Variants in USP31 observed in about 807,000 individuals in gnomAD.
USP31 encodes ubiquitin specific peptidase 31.
In USP31, 44 loss-of-function variants were observed where a neutral mutation model predicts 119.4. The observed-to-expected ratio is 0.37, with a 90% CI of 0.29 to 0.47. The LOEUF is 0.47. Ranked by LOEUF, USP31 falls within the 20% of genes least tolerant of loss-of-function variation. The pLI, the probability that USP31 is intolerant of heterozygous loss-of-function variation, is 0.99. For synonymous variants in USP31, 749 were observed against 705.6 expected, an observed-to-expected ratio of 1.06 and a Z score of -0.97; for missense variants, 1,643 against 1,730.2, an observed-to-expected ratio of 0.95 and a Z score of 0.89.
At chr16:23,100,714 C>T (rs1901813165) in intron 6 of USP31, among the ~76,000 whole-genome samples, 1 of 152,128 alleles carries the variant, frequency 6.6e-6, no homozygotes, top group African/African-American at 2.4e-5. Context: ...GCACTCCAGC[C>T]TGAGCGACAG....
chr16:23,078,759 A>T (rs1388891699), intron 13 of USP31, among the ~76,000 whole-genome samples: 6 of 152,236 alleles, frequency 3.9e-5, no homozygotes, highest in Admixed American at 3.9e-4. Context: ...TCACTTGAAC[A>T]ACAACAACAA....
At chr16:23,099,408 T>C (rs1158328535) in intron 6 of USP31, among the ~76,000 whole-genome samples, 2 of 152,228 alleles carry the variant, frequency 1.3e-5, no homozygotes, top group Non-Finnish European at 2.9e-5. Flanking sequence ...GAAGACAGTG[T>C]TGCAATTCCT....
At chr16:23,086,069 T>A (rs1179251766) in intron 9 of USP31, among the ~76,000 whole-genome samples, 1 of 152,136 alleles carries the variant, frequency 6.6e-6, no homozygotes, top group Non-Finnish European at 1.5e-5. Context: ...TCCACCAACA[T>A]GCCATGCCTG....
At chr16:23,069,921 T>C (rs1321172635) in intron 15 of USP31, among the ~76,000 whole-genome samples, 1 of 152,206 alleles carries the variant, frequency 6.6e-6, no homozygotes, top group Non-Finnish European at 1.5e-5. Flanking sequence ...ACAGCAGATG[T>C]TAGGCTTTGC....
chr16:23,134,891 TACACACACAC>T (rs10580256), intron 1 of USP31, among the ~76,000 whole-genome samples: 1 of 149,734 alleles, frequency 6.7e-6, no homozygotes, highest in Non-Finnish European at 1.5e-5. Context: ...TGTTACCTTA[TACACACACAC>T]ACACACACAC....
intron 6 of USP31, among the ~76,000 whole-genome samples, chr16:23,099,496 G>A (rs552691469): frequency 4.9e-4 from 74 of 152,190 alleles, no homozygotes; most frequent in Non-Finnish European, 9.9e-4. Flanking sequence ...TATATATCAT[G>A]CTACTAAAAA....
intron 6 of USP31, among the ~76,000 whole-genome samples, chr16:23,099,346 T>C (rs575512564): frequency 8.5e-5 from 13 of 152,202 alleles, no homozygotes; most frequent in African/African-American, 2.6e-4. Context: ...TGTGGAGAAA[T>C]AGGAATGCTT....
At chr16:23,145,122 C>A (rs1301708663) in intron 1 of USP31, among the ~76,000 whole-genome samples, 2 of 152,196 alleles carry the variant, frequency 1.3e-5, no homozygotes, top group Non-Finnish European at 2.9e-5. Context: ...TCCACCACTT[C>A]CTTGCCCTGC....
intron 13 of USP31, among the ~76,000 whole-genome samples, chr16:23,074,992 A>G (rs893305955): frequency 1.3e-5 from 2 of 152,314 alleles, no homozygotes; most frequent in South Asian, 4.1e-4. Flanking sequence ...AGGTCCTGAG[A>G]GGCACCAGGA....
intron 11 of USP31, among the ~76,000 whole-genome samples, chr16:23,083,866 TAATG>T: frequency 6.6e-6 from 1 of 152,280 alleles, no homozygotes; most frequent in Non-Finnish European, 1.5e-5. Context: ...TTCTGAGTCA[TAATG>T]AATTTAAGAC....
At chr16:23,124,876 G>A (rs967255532) in intron 1 of USP31, among the ~76,000 whole-genome samples, 7 of 152,114 alleles carry the variant, frequency 4.6e-5, no homozygotes, top group African/African-American at 1.2e-4. Flanking sequence ...GTGACAGAAC[G>A]AGACTCTGTC....
At chr16:23,110,304 G>T (rs536169712) in intron 1 of USP31, among the ~76,000 whole-genome samples, 1 of 152,170 alleles carries the variant, frequency 6.6e-6, no homozygotes, top group African/African-American at 2.4e-5. Flanking sequence ...AGAAGAGGAC[G>T]GTGGTGTTAA....
chr16:23,131,299 A>T (rs908801632), intron 1 of USP31, among the ~76,000 whole-genome samples: 1 of 152,128 alleles, frequency 6.6e-6, no homozygotes, highest in Non-Finnish European at 1.5e-5. Context: ...AAGACTGTCT[A>T]AAAATAGTAA....
In USP31 at chr16:23,084,950, T is replaced by C. The variant is rs1288580021; in HGVS notation, c.1740A>G (p.Ala580=). ...VNTEDEYIPD[A]ESVRLQRERH... Reference sequence around the variant, plus strand: ...GCTCCCTTTGCAGACGAACACTTTCTGCATCAGGAATATACTCATCCTCAG... The same window carrying C: ...GCTCCCTTTGCAGACGAACACTTTCCGCATCAGGAATATACTCATCCTCAG... Residue 580 remains alanine, a synonymous_variant, in exon 11 of 16, where the codon GCA becomes GCG. Transcript: ENST00000219689. 2 of 1,614,012 alleles carry C rather than the reference T, an allele frequency of 1.2e-6. No homozygotes were observed. Among genetic ancestry groups the C allele is most frequent in the African/African-American group, 2.7e-5 (2 of 74,900 alleles).
intron 1 of USP31, among the ~76,000 whole-genome samples, chr16:23,136,585 C>T (rs1259621015): frequency 1.3e-5 from 2 of 150,008 alleles, no homozygotes; most frequent in African/African-American, 2.5e-5. Flanking sequence ...GCCCAGGAGC[C>T]GGAGGCTGCA....
At chr16:23,087,292 TG>T (rs1901152590) in intron 8 of USP31, 106 bp from the exon 9 acceptor site, 24 of 916,822 alleles carry the variant, frequency 2.6e-5, no homozygotes, top group Non-Finnish European at 3.9e-5. Flanking sequence ...CTGTTTATTC[TG>T]CAAAATGCTT....
chr16:23,084,664 G>A (rs959858602), intron 11 of USP31, among the ~76,000 whole-genome samples, 196 bp downstream of exon 11: 3 of 151,984 alleles, frequency 2.0e-5, no homozygotes, highest in Non-Finnish European at 2.9e-5. Flanking sequence ...AATTAATCAC[G>A]GTTTTCTAGA....
intron 13 of USP31, among the ~76,000 whole-genome samples, chr16:23,076,436 A>G (rs576484934): frequency 1.5e-3 from 235 of 152,340 alleles, no homozygotes; most frequent in African/African-American, 5.4e-3. Context: ...GAAAGGGGAA[A>G]TAATACAGAA....
At chr16:23,087,908 A>G (rs574267880) in intron 7 of USP31, 73 bp from the exon 8 acceptor site, 20 of 1,304,380 alleles carry the variant, frequency 1.5e-5, no homozygotes, top group Non-Finnish European at 2.1e-5. Context: ...TTTTTTCTCG[A>G]TCTCTTAAAA....
Sources: allele counts gnomAD v4.1 joint callset (sites outside exome capture counted in the v4.1 genomes callset), GRCh38; gene constraint gnomAD v4.1.1; transcripts MANE v1.5; gene names NCBI Gene and HGNC (gene_info 2026-07-23, HGNC 2026-07-21).